B4GALNT2: variants seen among roughly 807,000 people sequenced by gnomAD.
The protein encoded by B4GALNT2 is N-acetylneuraminylgalactosylglucosyl-glucoside beta-1,4-N- acetylgalactosaminyltransferase 2.
Under a neutral mutation model 51.1 loss-of-function variants are expected in B4GALNT2, and 42 were observed. The observed-to-expected ratio is 0.82, with a 90% CI of 0.64 to 1.06. The LOEUF (loss-of-function observed/expected upper bound fraction) is 1.06. Among genes scored for constraint, B4GALNT2 ranks in the 50% least tolerant of loss-of-function variants. The pLI is 0.00. For synonymous variants in B4GALNT2, 253 were observed against 251.7 expected, an observed-to-expected ratio of 1.01 and a Z score of -0.05; for missense variants, 602 against 633.6, an observed-to-expected ratio of 0.95 and a Z score of 0.54.
At position 49,169,590 on chromosome 17, in the gene B4GALNT2, G is replaced by A; in HGVS notation, c.1383G>A (p.Gln461=). Reference sequence around the variant, plus strand: ...GCCCAGAAGTGATTATAGGTCACCAGTCTCGGTCTCCAGTGGTGGACTCAG... The same window carrying A: ...GCCCAGAAGTGATTATAGGTCACCAATCTCGGTCTCCAGTGGTGGACTCAG... ...GSCPEVIIGH[Q]SRSPVVDSEL... The change falls in exon 11 of 11, where the codon CAG becomes CAA. Residue 461 remains glutamine, a synonymous_variant. Transcript: ENST00000393354. The A allele has an allele frequency of 6.2e-7, 1 of 1,613,160 alleles. No individual in the cohort carries two copies. Among genetic ancestry groups the A allele is most frequent in the Non-Finnish European group, 8.5e-7 (1 of 1,180,004 alleles).
Position 49,172,176 on chromosome 17 carries a change from G to A in B4GALNT2, c.*2448G>A, listed in dbSNP as rs1030713426. ...TGTCCCCAGGTAGGTGGCTGTGTTCGACAGCTGTTGCTCATGATAGTTGGG... is the reference window on the plus strand; with the variant it reads ...TGTCCCCAGGTAGGTGGCTGTGTTCAACAGCTGTTGCTCATGATAGTTGGG... On this transcript the variant is annotated 3_prime_UTR_variant, in exon 11 of 11. Transcript: ENST00000393354. 4 of 267,530 alleles carry A rather than the reference G, an allele frequency of 1.5e-5. No individual in the cohort carries two copies. Among genetic ancestry groups the A allele is most frequent in the East Asian group, 6.3e-5 (1 of 15,962 alleles). The allele number at this position is 267,530 out of a possible 1,614,324, so 16.6% of individuals were successfully genotyped here.
chr17:49,150,236 G>A lies in B4GALNT2; in HGVS notation c.354-2564G>A, dbSNP rs1287873200. ...CCCCGCCCGGCCAGCCGCCCCGTCC[G>A]GGAGGGAGGTGGGGGGGTCAGCCCC... On this transcript the variant is annotated intron_variant, in intron 3 of 10. Coordinates refer to ENST00000393354, the MANE Select transcript of B4GALNT2 (RefSeq NM_001159387.2). Among the ~76,000 whole-genome samples, 23 of 146,058 alleles carry A rather than the reference G, an allele frequency of 1.6e-4. No individual in the cohort carries two copies. The East Asian group carries it at 4.1e-3, about 26-fold the overall frequency.
upstream of B4GALNT2, chr17:49,132,430 G>A (rs2042547300): frequency 3.8e-6 from 1 of 263,416 alleles, no homozygotes; most frequent in African/African-American, 2.2e-5. Flanking sequence ...GCCGAATTTA[G>A]GGACCCCCAG....
intron 1 of B4GALNT2, among the ~76,000 whole-genome samples, chr17:49,137,798 T>G (rs1466811727): frequency 6.6e-6 from 1 of 152,208 alleles, no homozygotes; most frequent in Non-Finnish European, 1.5e-5. Context: ...TGAAATGTAA[T>G]GTCTGGAGAT....
chr17:49,173,672 C>A lies in B4GALNT2; in HGVS notation c.*3944C>A, dbSNP rs996011082. The A allele has an allele frequency of 3.9e-5, 6 of 152,094 alleles. No homozygotes were observed. The highest frequency in any genetic ancestry group is 5.9e-5 in the Non-Finnish European group (4 of 68,012). 9.4% of individuals were successfully genotyped at this position (152,094 alleles called of 1,614,324 possible). A position where few individuals can be genotyped will look rare whatever the true frequency, so the allele number is the denominator to read the frequency against. On this transcript the variant is annotated 3_prime_UTR_variant, in exon 11 of 11. Transcript: ENST00000393354. ...CCAGGACCATATCCATGTAATTTAA[C>A]AATCTGAGTTCTCCCATTTCCTATC...
chr17:49,168,741 A>C lies in B4GALNT2; in HGVS notation c.1156A>C (p.Asn386His). The change falls in exon 10 of 11, where the codon AAT becomes CAT. Residue 386 changes from asparagine to histidine, a missense_variant. Transcript: ENST00000393354. ...TAAGTTGTTGCTGGAACAGAGTGAG[A>C]ATGGGGCCTGCCTTCACAAGAGGAT... ...QFKLLLEQSE[N>H]GACLHKRMGF... 1 of 1,614,060 alleles carries C rather than the reference A, an allele frequency of 6.2e-7. No homozygotes were observed.
chr17:49,133,185 C>G, intron 1 of B4GALNT2: 1 of 1,508,070 alleles, frequency 6.6e-7, no homozygotes, highest in Non-Finnish European at 8.8e-7. Context: ...AGCCTGGGGC[C>G]CGTTTGCTGC....
At chr17:49,162,681 A>G (rs1228113125) in intron 7 of B4GALNT2, among the ~76,000 whole-genome samples, 2 of 152,020 alleles carry the variant, frequency 1.3e-5, no homozygotes, top group East Asian at 3.9e-4. Flanking sequence ...GGCCGAGGTG[A>G]GCAGATCACT....
intron 8 of B4GALNT2, among the ~76,000 whole-genome samples, chr17:49,164,912 A>G (rs2042897621): frequency 6.6e-6 from 1 of 152,098 alleles, no homozygotes; most frequent in Non-Finnish European, 1.5e-5. Context: ...TAAAGGCTCA[A>G]GTGATTCTCT....
chr17:49,156,655 C>G, intron 5 of B4GALNT2, 52 bp downstream of exon 5: 1 of 1,586,610 alleles, frequency 6.3e-7, no homozygotes, highest in Non-Finnish European at 8.6e-7. Flanking sequence ...TCCTCATTCC[C>G]TCAACTGTGG....
At chr17:49,162,138 CCA>C (rs768735662) in intron 7 of B4GALNT2, among the ~76,000 whole-genome samples, 31 of 151,694 alleles carry the variant, frequency 2.0e-4, no homozygotes, top group Non-Finnish European at 3.1e-4. Flanking sequence ...CAGGCGCCCG[CCA>C]CCATGCCCGG....
rs114803982 is a variant in B4GALNT2, at chr17:49,160,429, A to C, written c.680-126A>C. 2.5e-3 allele frequency: 2,153 copies of C among 876,358 alleles called. 25 individuals carry two copies. The African/African-American group carries it at 0.03, about 12-fold the overall frequency. The allele number at this position is 876,358 out of a possible 1,614,324, so 54.3% of individuals were successfully genotyped here. A position where few individuals can be genotyped will look rare whatever the true frequency, so the allele number is the denominator to read the frequency against. ...TGCCAGAGACTCTATGGGGTCCTTG[A>C]TCTCATCCCAACCAGGACTCTCCCC... On this transcript the variant is annotated intron_variant, in intron 6 of 10. Coordinates refer to ENST00000393354, the MANE Select transcript of B4GALNT2 (RefSeq NM_001159387.2).
intron 10 of B4GALNT2, 89 bp downstream of exon 10, chr17:49,168,989 G>A (rs2042936995): frequency 3.7e-6 from 5 of 1,339,512 alleles, no homozygotes; most frequent in Non-Finnish European, 5.1e-6. Context: ...CCGGCTGGCT[G>A]ATCATAGTCG....
chr17:49,156,419 C>A, intron 4 of B4GALNT2, 147 bp from the exon 5 acceptor site: 2 of 768,758 alleles, frequency 2.6e-6, no homozygotes, highest in Non-Finnish European at 2.1e-6. Context: ...TGGGGAGAGG[C>A]GCACGTGTCA....
At chr17:49,156,865 C>T (rs1478654930) in intron 5 of B4GALNT2, among the ~76,000 whole-genome samples, 1 of 152,248 alleles carries the variant, frequency 6.6e-6, no homozygotes, top group East Asian at 1.9e-4. Context: ...GAAGCGGCCA[C>T]TACAGCCATG....
At chr17:49,147,844 T>TAC (rs2042710297) in intron 3 of B4GALNT2, among the ~76,000 whole-genome samples, 1 of 147,872 alleles carries the variant, frequency 6.8e-6, no homozygotes, top group Non-Finnish European at 1.5e-5. Context: ...GTATGTTATA[T>TAC]ATATATGTGT....
chr17:49,156,590 C>T lies in B4GALNT2; in HGVS notation c.485C>T (p.Ala162Val), dbSNP rs560373909. ...IPGLQFEGPD[A>V]PVYEVTLTAS... Reference sequence around the variant, plus strand: ...GGCCTCCAGTTTGAAGGACCCGATGCCCCCGTCTATGAGGTGAGTCCTTCT... The same window carrying T: ...GGCCTCCAGTTTGAAGGACCCGATGTCCCCGTCTATGAGGTGAGTCCTTCT... The change falls in exon 5 of 11, where the codon GCC becomes GTC. Residue 162 changes from alanine to valine, a missense_variant. Coordinates refer to ENST00000393354, the MANE Select transcript of B4GALNT2 (RefSeq NM_001159387.2). The T allele has an allele frequency of 2.7e-5, 44 of 1,613,604 alleles. No homozygotes were observed. Among genetic ancestry groups the T allele is most frequent in the Non-Finnish European group, 3.4e-5 (40 of 1,179,894 alleles).
intron 1 of B4GALNT2, among the ~76,000 whole-genome samples, chr17:49,134,494 T>C (rs988205919): frequency 3.3e-5 from 5 of 152,208 alleles, no homozygotes; most frequent in Non-Finnish European, 7.4e-5. Flanking sequence ...AATCTTTCCC[T>C]CCCGAGCTCA....
At chr17:49,159,364 C>G (rs1051164551) in intron 6 of B4GALNT2, 147 bp downstream of exon 6, 1 of 698,734 alleles carries the variant, frequency 1.4e-6, no homozygotes. Flanking sequence ...TTTTTTGAGA[C>G]GGAGTCTCAC....
Sources: gnomAD v4.1 joint callset for allele counts (sites outside exome capture counted in the v4.1 genomes callset) on GRCh38, gnomAD v4.1.1 for gene constraint, MANE v1.5 for transcripts, NCBI Gene and HGNC (gene_info 2026-07-23, HGNC 2026-07-21) for gene names.